The following SOX5 variants were observed in gnomAD, a reference collection of about 807,000 sequenced individuals.
SOX5 encodes the protein SRY-box transcription factor 5, also known as transcription factor SOX-5.
A neutral mutation model predicts 92.0 loss-of-function variants in SOX5; 9 were observed. The observed-to-expected ratio is 0.10, with a 90% CI of 0.06 to 0.17. SOX5 has a LOEUF of 0.17. Among genes scored for constraint, SOX5 ranks in the 10% least tolerant of loss-of-function variants. The pLI is 1.00. For synonymous variants in SOX5, 344 were observed against 336.3 expected, an observed-to-expected ratio of 1.02 and a Z score of -0.25; for missense variants, 642 against 944.5, an observed-to-expected ratio of 0.68 and a Z score of 4.20.
chr12:24,152,869 A>G (rs942183772), intron 4 of SOX5, among the ~76,000 whole-genome samples: 1 of 152,112 alleles, frequency 6.6e-6, no homozygotes, highest in African/African-American at 2.4e-5. Flanking sequence ...GAGAATTGTA[A>G]TCATATCTAA....
chr12:23,842,835 A>G (rs2096534234), intron 3 of SOX5, among the ~76,000 whole-genome samples: 1 of 152,196 alleles, frequency 6.6e-6, no homozygotes, highest in Admixed American at 6.6e-5. Flanking sequence ...TATGTAGACA[A>G]TCCAGCTCTA....
chr12:23,534,685 C>CTTGT (rs1049902096), intron 14 of SOX5, among the ~76,000 whole-genome samples, 163 bp from the exon 15 acceptor site: 3 of 149,936 alleles, frequency 2.0e-5, no homozygotes, highest in African/African-American at 7.3e-5. Flanking sequence ...ACTTTAATAC[C>CTTGT]TTGTTTTTCT....
intron 1 of SOX5, among the ~76,000 whole-genome samples, chr12:24,516,188 A>G (rs1449369937): frequency 6.6e-6 from 1 of 151,818 alleles, no homozygotes; most frequent in Non-Finnish European, 1.5e-5. Context: ...GACTACAAGC[A>G]TGCGCCACCA....
chr12:23,911,373 T>C (rs909840665), intron 1 of SOX5, among the ~76,000 whole-genome samples: 4 of 152,070 alleles, frequency 2.6e-5, no homozygotes, highest in Non-Finnish European at 5.9e-5. Context: ...TCATGAAATA[T>C]AAGCCAAATT....
intron 7 of SOX5, among the ~76,000 whole-genome samples, chr12:23,660,678 T>C (rs1388003852): frequency 6.6e-6 from 1 of 150,516 alleles, no homozygotes; most frequent in African/African-American, 2.5e-5. Flanking sequence ...GGCAGTGTAA[T>C]AGGTGAAAGA....
At chr12:24,470,448 T>A (rs1944686061) in intron 1 of SOX5, among the ~76,000 whole-genome samples, 1 of 151,910 alleles carries the variant, frequency 6.6e-6, no homozygotes, top group Non-Finnish European at 1.5e-5. Context: ...GGCAGGAACC[T>A]TCCAAGATAA....
At chr12:24,466,395 G>A (rs1434332434) in intron 1 of SOX5, among the ~76,000 whole-genome samples, 1 of 152,112 alleles carries the variant, frequency 6.6e-6, no homozygotes, top group Middle Eastern at 3.2e-3. Context: ...ATAGACACGA[G>A]CCACTGCACT....
At chr12:24,453,567 A>G (rs1396199) in intron 1 of SOX5, among the ~76,000 whole-genome samples, 149,314 of 152,318 alleles carry the variant, frequency 0.98, 73,241 homozygotes, top group East Asian at 1. Flanking sequence ...GTTGCAATTC[A>G]TTTGTAATAT....
At position 24,127,686 on chromosome 12, in the gene SOX5, C is replaced by G. The variant is rs1028782283; in HGVS notation, c.-2+85657G>C. The stretch of plus-strand genomic sequence containing the variant: ...ATTTTTAAACCTTCTTAGTGTGCCT[C>G]CCCAGTGAGATAAAAAATCACCACT... On this transcript the variant is annotated intron_variant, in intron 4 of 4. Transcript: ENST00000446891. Among the ~76,000 whole-genome samples, 5 of 152,094 alleles carry G rather than the reference C, an allele frequency of 3.3e-5. No homozygotes were observed. In the East Asian group the frequency reaches 9.6e-4, roughly 29 times the overall value.
intron 3 of SOX5, among the ~76,000 whole-genome samples, chr12:24,255,196 G>C (rs952989759): frequency 1.3e-5 from 2 of 152,090 alleles, no homozygotes; most frequent in East Asian, 3.9e-4. Flanking sequence ...TAATGCACTA[G>C]ATATACTGTA....
At chr12:24,321,665 A>G (rs572509158) in intron 2 of SOX5, among the ~76,000 whole-genome samples, 21 of 152,310 alleles carry the variant, frequency 1.4e-4, no homozygotes, top group African/African-American at 5.1e-4. Flanking sequence ...ATCTTGCTGG[A>G]GTACAAGAAA....
chr12:24,239,496 A>G (rs1429826910), intron 3 of SOX5, among the ~76,000 whole-genome samples: 3 of 152,210 alleles, frequency 2.0e-5, no homozygotes, highest in African/African-American at 7.2e-5. Context: ...GACTTCTGAA[A>G]CCAGAAATCA....
intron 1 of SOX5, among the ~76,000 whole-genome samples, chr12:23,919,877 G>C (rs1260463095): frequency 2.0e-5 from 3 of 152,176 alleles, no homozygotes; most frequent in African/African-American, 4.8e-5. Flanking sequence ...AAATATATTT[G>C]TACCAGTTAT....
In SOX5 at chr12:23,543,337, G is replaced by A. The variant is rs956761617; in HGVS notation, c.1645C>T (p.Arg549Cys). The change falls in exon 13 of 15, where the codon CGT becomes TGT. Residue 549 changes from arginine (R) to cysteine (C), a missense_variant. By Grantham distance (180) the Arg-to-Cys change is radical. Around this residue, in one of 8 missense-constraint regions of SOX5, gnomAD observed 24 missense variants for 84.4 expected, o/e 0.28. Transcript: ENST00000451604. ...TTTATGTGGGGTTCATTGCTACCAC[G>A]CCCTCGGGATTCCCTATAAATTCTT... The part of the protein sequence containing the change: ...ESRIYRESRG[R>C]GSNEPHIKRP... 1.9e-6 allele frequency: 3 copies of A among 1,613,582 alleles called. No individual in the cohort carries two copies. The highest frequency in any genetic ancestry group is 1.7e-6 in the Non-Finnish European group (2 of 1,179,676).
chr12:23,912,802 A>G (rs573499884), intron 1 of SOX5, among the ~76,000 whole-genome samples: 12 of 151,432 alleles, frequency 7.9e-5, no homozygotes, highest in African/African-American at 2.9e-4. Context: ...TTGTATAGAA[A>G]GTAGATTGGT....
At chr12:24,213,316 A>G (rs1018569230) in intron 4 of SOX5, 1 of 151,742 alleles carries the variant, frequency 6.6e-6, no homozygotes, top group Non-Finnish European at 1.5e-5. Flanking sequence ...AAGAATGACC[A>G]GCAAATGGTA....
At position 23,640,815 on chromosome 12, in the gene SOX5, C is replaced by A. The variant is rs772561388; in HGVS notation, c.1014G>T (p.Leu338=). The part of the protein sequence containing the change: ...AATPGLGPLQ[L]QQLYAAQLAA... ...TCTGTATTGTTTCCTGACTTACCTGCAGTTGGAGTGGGCCTAAGCCTGGTG... is the reference window on the plus strand; with the variant it reads ...TCTGTATTGTTTCCTGACTTACCTGAAGTTGGAGTGGGCCTAAGCCTGGTG... The change falls in exon 8 of 15, where the codon CTG becomes CTT. Residue 338 remains leucine, a synonymous_variant. Transcript: ENST00000451604. 57 of 1,611,442 alleles carry A rather than the reference C, an allele frequency of 3.5e-5. No individual in the cohort carries two copies. The highest frequency in any genetic ancestry group is 1.7e-4 in the Admixed American group (10 of 59,986).
At chr12:23,994,047 G>A (rs1048146857) in intron 4 of SOX5, among the ~76,000 whole-genome samples, 5 of 151,978 alleles carry the variant, frequency 3.3e-5, no homozygotes, top group African/African-American at 7.3e-5. Context: ...TCAGGAGGTC[G>A]AGGCTGCAAT....
At chr12:23,978,504 A>G (rs1317202790) in intron 4 of SOX5, among the ~76,000 whole-genome samples, 5 of 152,244 alleles carry the variant, frequency 3.3e-5, no homozygotes, top group Non-Finnish European at 7.3e-5. Context: ...GGTTTGTGCT[A>G]TATATCGTTT....
Sources: gnomAD v4.1 joint callset for allele counts (sites outside exome capture counted in the v4.1 genomes callset) on GRCh38, gnomAD v4.1.1 for gene constraint, gnomAD v4.1.1 regional missense constraint, MANE v1.5 for transcripts, NCBI Gene and HGNC (gene_info 2026-07-23, HGNC 2026-07-21) for gene names.